POU6F2: variants seen among roughly 807,000 people sequenced by gnomAD.
POU6F2 encodes the protein POU domain, class 6, transcription factor 2.
POU6F2 carries 31 observed loss-of-function variants against 71.3 expected under a neutral mutation model. The observed-to-expected ratio is 0.43, with a 90% CI of 0.33 to 0.59. POU6F2 has a LOEUF of 0.59. POU6F2 is among the 20% of genes least tolerant of loss of function. The pLI is 0.04. For missense variants in POU6F2, 783 were observed against 856.8 expected (o/e 0.91, Z 1.07); for synonymous variants, 347 against 355.7 (o/e 0.98, Z 0.27).
intron 4 of POU6F2, among the ~76,000 whole-genome samples, chr7:39,244,732 G>A (rs540104759): frequency 6.6e-6 from 1 of 152,238 alleles, no homozygotes; most frequent in South Asian, 2.1e-4. Flanking sequence ...TGAGCCAGGT[G>A]TTAAAATCAT....
chr7:39,256,104 C>T (rs1392398576), intron 4 of POU6F2, among the ~76,000 whole-genome samples: 1 of 151,292 alleles, frequency 6.6e-6, no homozygotes. Context: ...CCAGATGTTT[C>T]TCTGTTCCAC....
At chr7:39,247,636 G>T (rs1188090463) in intron 4 of POU6F2, among the ~76,000 whole-genome samples, 1 of 152,150 alleles carries the variant, frequency 6.6e-6, no homozygotes, top group Non-Finnish European at 1.5e-5. Flanking sequence ...CTGCTGTAAC[G>T]TAGTCACTGA....
chr7:39,419,138 T>TATACGTATATATGTGTATATATACAC (rs1787785541), intron 6 of POU6F2, among the ~76,000 whole-genome samples: 1 of 139,586 alleles, frequency 7.2e-6, no homozygotes, highest in African/African-American at 2.8e-5. Context: ...TATACACATA[T>TATACGTATATATGTGTATATATACAC]ATATACGTAT....
At chr7:39,265,486 A>G (rs568635220) in intron 4 of POU6F2, among the ~76,000 whole-genome samples, 26 of 152,340 alleles carry the variant, frequency 1.7e-4, no homozygotes, top group Non-Finnish European at 3.2e-4. Context: ...TAATACATTT[A>G]AACGTTTACA....
chr7:39,050,496 C>T (rs1189472147), intron 1 of POU6F2, among the ~76,000 whole-genome samples: 2 of 152,132 alleles, frequency 1.3e-5, no homozygotes, highest in African/African-American at 4.8e-5. Context: ...TACACATCAC[C>T]TCCAGTCAAC....
At chr7:39,106,120 A>G (rs1791680234) in intron 2 of POU6F2, among the ~76,000 whole-genome samples, 1 of 152,188 alleles carries the variant, frequency 6.6e-6, no homozygotes, top group Non-Finnish European at 1.5e-5. Flanking sequence ...ATCCAAGTGC[A>G]TCTACACACT....
intron 1 of POU6F2, among the ~76,000 whole-genome samples, chr7:39,015,908 T>TTATATATTTTATATTGA (rs1562670899): frequency 2.2e-5 from 1 of 46,226 alleles, no homozygotes; most frequent in Non-Finnish European, 3.7e-5. Context: ...TAGATATATA[T>TTATATATTTTATATTGA]TATATATTAT....
chr7:39,411,535 G>C (rs748087194), intron 6 of POU6F2, among the ~76,000 whole-genome samples: 5 of 152,166 alleles, frequency 3.3e-5, no homozygotes, highest in East Asian at 1.9e-4. Flanking sequence ...CCAGTCAAGG[G>C]GGGGGAAGTC....
At chr7:39,150,486 A>G (rs1215397639) in intron 2 of POU6F2, among the ~76,000 whole-genome samples, 9 of 57,974 alleles carry the variant, frequency 1.6e-4, no homozygotes, top group East Asian at 5.8e-4. Flanking sequence ...TTTTTTTTTG[A>G]GACAGAGTCT....
chr7:39,200,492 A>T (rs1793875823), intron 2 of POU6F2, among the ~76,000 whole-genome samples: 1 of 152,186 alleles, frequency 6.6e-6, no homozygotes, highest in Non-Finnish European at 1.5e-5. Flanking sequence ...ATATGTAAAC[A>T]TCTTGCTTTG....
intron 7 of POU6F2, among the ~76,000 whole-genome samples, chr7:39,444,808 G>T (rs955292161): frequency 2.0e-5 from 3 of 152,146 alleles, no homozygotes; most frequent in Non-Finnish European, 4.4e-5. Context: ...CTATGAATTA[G>T]TAGTTTCTTC....
At chr7:39,337,831 T>C (rs1583535214) in intron 4 of POU6F2, among the ~76,000 whole-genome samples, 1 of 152,146 alleles carries the variant, frequency 6.6e-6, no homozygotes, top group African/African-American at 2.4e-5. Context: ...TTTATGCCTT[T>C]CCAGTCAAGC....
chr7:39,144,669 T>G (rs764014032), intron 2 of POU6F2, among the ~76,000 whole-genome samples: 5 of 152,234 alleles, frequency 3.3e-5, no homozygotes, highest in Non-Finnish European at 7.3e-5. Flanking sequence ...TTGAATGGTG[T>G]TTACTGCTTT....
At chr7:39,459,067 A>G (rs955233573) in intron 8 of POU6F2, among the ~76,000 whole-genome samples, 2 of 152,170 alleles carry the variant, frequency 1.3e-5, no homozygotes, top group African/African-American at 4.8e-5. Context: ...AACCCCCTAT[A>G]GACTGTAAAC....
intron 2 of POU6F2, among the ~76,000 whole-genome samples, chr7:39,134,324 C>T (rs1174739088): frequency 1.3e-5 from 2 of 152,112 alleles, no homozygotes; most frequent in Admixed American, 1.3e-4. Context: ...CTAGTTGTGC[C>T]CTGCCCTCAG....
intron 2 of POU6F2, among the ~76,000 whole-genome samples, chr7:39,166,650 C>T (rs569303718): frequency 6.3e-4 from 96 of 152,294 alleles, no homozygotes; most frequent in African/African-American, 2.3e-3. Flanking sequence ...TTGTCCCTAC[C>T]TCTCTAACCC....
At chr7:39,138,445 TCA>T (rs1260264085) in intron 2 of POU6F2, among the ~76,000 whole-genome samples, 2 of 152,196 alleles carry the variant, frequency 1.3e-5, no homozygotes, top group Non-Finnish European at 2.9e-5. Context: ...TCTTCATCAC[TCA>T]CATTACCACC....
intron 3 of POU6F2, among the ~76,000 whole-genome samples, 178 bp from the exon 4 acceptor site, chr7:39,207,214 A>G (rs1794030707): frequency 2.0e-5 from 3 of 152,248 alleles, no homozygotes; most frequent in Admixed American, 6.5e-5. Context: ...AAAGAAATCA[A>G]TGAAATGCAA....
intron 2 of POU6F2, among the ~76,000 whole-genome samples, chr7:39,194,913 G>A (rs928909990): frequency 3.9e-5 from 6 of 152,026 alleles, no homozygotes; most frequent in African/African-American, 1.2e-4. Context: ...TTCTGAAGCC[G>A]GCGAGACCAA....
Sources: gnomAD v4.1 joint callset for allele counts (sites outside exome capture counted in the v4.1 genomes callset) on GRCh38, gnomAD v4.1.1 for gene constraint, MANE v1.5 for transcripts, NCBI Gene and HGNC (gene_info 2026-07-23, HGNC 2026-07-21) for gene names.